The following CNTNAP2 variants were observed in gnomAD, a reference collection of about 807,000 sequenced individuals.
The protein encoded by CNTNAP2 is contactin-associated protein-like 2.
CNTNAP2 carries 98 observed loss-of-function variants against 155.2 expected under a neutral mutation model. The observed-to-expected ratio is 0.63, with a 90% CI of 0.54 to 0.75. The LOEUF (loss-of-function observed/expected upper bound fraction) is 0.75, where lower values mean the gene tolerates loss of function less well. CNTNAP2 is among the 30% of genes least tolerant of loss of function. CNTNAP2 has a pLI of 0.00. For missense variants in CNTNAP2, 1,727 were observed against 1,688.1 expected (o/e 1.02, Z -0.40); for synonymous variants, 651 against 631.2 (o/e 1.03, Z -0.47).
chr7:148,236,999 C>T (rs1322089555), intron 20 of CNTNAP2, among the ~76,000 whole-genome samples: 1 of 152,202 alleles, frequency 6.6e-6, no homozygotes, highest in Admixed American at 6.5e-5. Flanking sequence ...CTGGGAATTA[C>T]AACTCAACAT....
At chr7:148,120,853 A>G (rs746429106) in intron 16 of CNTNAP2, among the ~76,000 whole-genome samples, 5 of 152,118 alleles carry the variant, frequency 3.3e-5, no homozygotes, top group Non-Finnish European at 5.9e-5. Flanking sequence ...TTAGATGCCC[A>G]TCATTATATG....
rs147289080 is a variant in CNTNAP2, at chr7:148,050,355, G to A, written c.2384-67763G>A. On this transcript the variant is annotated intron_variant, in intron 15 of 23. Coordinates refer to ENST00000361727, the MANE Select transcript of CNTNAP2 (RefSeq NM_014141.6). ...GACCCTGTTAGGCCTAGGCTAATGT[G>A]TGTGTTTGTGTCTTAGTTTTTACAA... Among the ~76,000 whole-genome samples, 1,360 of 152,246 alleles carry A rather than the reference G, an allele frequency of 8.9e-3. 26 individuals carry two copies. The highest frequency in any genetic ancestry group is 0.03 in the African/African-American group (1,255 of 41,532).
intron 1 of CNTNAP2, among the ~76,000 whole-genome samples, chr7:146,179,322 A>T (rs1056449789): frequency 2.0e-5 from 3 of 152,138 alleles, no homozygotes; most frequent in Non-Finnish European, 4.4e-5. Context: ...CGTAAGGAAT[A>T]CTTGGGGAGG....
At chr7:148,041,764 C>G (rs748955017) in intron 15 of CNTNAP2, among the ~76,000 whole-genome samples, 32 of 152,100 alleles carry the variant, frequency 2.1e-4, no homozygotes, top group Admixed American at 1.5e-3. Context: ...ACAGTCACAC[C>G]TTAGTCAACA....
intron 1 of CNTNAP2, among the ~76,000 whole-genome samples, chr7:146,540,655 C>T (rs937983419): frequency 1.1e-4 from 16 of 152,046 alleles, no homozygotes; most frequent in Middle Eastern, 3.4e-3. Context: ...AAATCTACCC[C>T]CATTGGTTAG....
intron 9 of CNTNAP2, among the ~76,000 whole-genome samples, chr7:147,368,533 A>G (rs6945865): frequency 6.6e-6 from 1 of 152,028 alleles, no homozygotes; most frequent in Non-Finnish European, 1.5e-5. Context: ...AGATAATGAA[A>G]CACTCCCACT....
At chr7:147,795,506 TTTCAGGTG>T (rs148302587) in intron 13 of CNTNAP2, among the ~76,000 whole-genome samples, 6,722 of 152,216 alleles carry the variant, frequency 0.044, 189 homozygotes, top group Non-Finnish European at 0.058. Context: ...CTTTCGTTGG[TTTCAGGTG>T]TTCAGGTGGT....
chr7:148,346,636 G>A (rs1036055340), intron 21 of CNTNAP2, among the ~76,000 whole-genome samples: 1 of 151,876 alleles, frequency 6.6e-6, no homozygotes, highest in Admixed American at 6.6e-5. Context: ...GCCAGGTGTG[G>A]TGGCAGGCAC....
rs112463741 is a variant in CNTNAP2 at position 147,520,157 on chromosome 7, C to T, written c.1777+34116C>T. On this transcript the variant is annotated intron_variant, in intron 11 of 23. Coordinates refer to ENST00000361727, the MANE Select transcript of CNTNAP2 (RefSeq NM_014141.6). Reference sequence around the variant, plus strand: ...AGTATGAGAAGCCAGAGTGTGAAAACTGAGTTAATATTCTTATGAACACGA... The same window carrying T: ...AGTATGAGAAGCCAGAGTGTGAAAATTGAGTTAATATTCTTATGAACACGA... 2.0e-5 allele frequency among the ~76,000 whole-genome samples: 3 copies of T among 152,170 alleles called. 1 individual carries two copies. Among genetic ancestry groups the T allele is most frequent in the African/African-American group, 7.2e-5 (3 of 41,526 alleles).
intron 23 of CNTNAP2, among the ~76,000 whole-genome samples, chr7:148,412,021 C>A (rs1047385074): frequency 2.6e-5 from 4 of 152,238 alleles, no homozygotes; most frequent in Non-Finnish European, 1.5e-5. Flanking sequence ...TCGGCTCATG[C>A]AACCTCCGAC....
At chr7:147,707,439 C>T (rs1796332439) in intron 13 of CNTNAP2, among the ~76,000 whole-genome samples, 1 of 152,206 alleles carries the variant, frequency 6.6e-6, no homozygotes, top group Non-Finnish European at 1.5e-5. Context: ...GTGATTTCCT[C>T]AGTGATTTAT....
chr7:146,567,801 A>AGG, intron 1 of CNTNAP2, among the ~76,000 whole-genome samples: 1 of 152,064 alleles, frequency 6.6e-6, no homozygotes, highest in Non-Finnish European at 1.5e-5. Context: ...GCTCACTGCA[A>AGG]GCTCCGCCTC....
At chr7:146,400,526 T>G (rs1353270155) in intron 1 of CNTNAP2, among the ~76,000 whole-genome samples, 1 of 152,166 alleles carries the variant, frequency 6.6e-6, no homozygotes, top group Non-Finnish European at 1.5e-5. Flanking sequence ...TGAAAGTTAG[T>G]GAGAGAAGGA....
At chr7:146,263,238 G>A (rs1179846373) in intron 1 of CNTNAP2, among the ~76,000 whole-genome samples, 7 of 149,438 alleles carry the variant, frequency 4.7e-5, no homozygotes, top group African/African-American at 1.8e-4. Context: ...AGAATCCCTT[G>A]AAGGAAAGGA....
At chr7:147,147,604 G>T (rs1023559929) in intron 8 of CNTNAP2, among the ~76,000 whole-genome samples, 3 of 152,184 alleles carry the variant, frequency 2.0e-5, no homozygotes, top group Non-Finnish European at 4.4e-5. Flanking sequence ...GTGGACTGTG[G>T]TCAGGATGAT....
At chr7:147,713,289 G>A (rs551483456) in intron 13 of CNTNAP2, among the ~76,000 whole-genome samples, 10 of 152,040 alleles carry the variant, frequency 6.6e-5, no homozygotes, top group East Asian at 1.9e-4. Flanking sequence ...AGAACAGTTC[G>A]AACACCCTAA....
chr7:146,373,251 C>A (rs1202574835), intron 1 of CNTNAP2, among the ~76,000 whole-genome samples: 1 of 152,180 alleles, frequency 6.6e-6, no homozygotes. Context: ...GGACACGATT[C>A]TCTTCAGTAT....
chr7:147,170,818 G>T (rs944015572), intron 8 of CNTNAP2, among the ~76,000 whole-genome samples: 1 of 152,194 alleles, frequency 6.6e-6, no homozygotes, highest in Admixed American at 6.5e-5. Context: ...GCTGCTGCGG[G>T]GCAGCCAGGC....
chr7:147,121,326 T>A, intron 6 of CNTNAP2, 163 bp downstream of exon 6: 1 of 666,446 alleles, frequency 1.5e-6, no homozygotes, highest in South Asian at 2.0e-5. Flanking sequence ...CGTTTCATTT[T>A]ATTTCTAAAT....
Sources: allele counts gnomAD v4.1 joint callset (sites outside exome capture counted in the v4.1 genomes callset), GRCh38; gene constraint gnomAD v4.1.1; transcripts MANE v1.5; gene names NCBI Gene and HGNC (gene_info 2026-07-23, HGNC 2026-07-21).